LYPD6: variants seen among roughly 807,000 people sequenced by gnomAD.
The protein encoded by LYPD6 is LY6/PLAUR domain containing 6.
In LYPD6, 15 loss-of-function variants were observed where a neutral mutation model predicts 22.7. The observed-to-expected ratio is 0.66, with a 90% confidence interval of 0.44 to 1.02. LYPD6 has a LOEUF of 1.02. LYPD6 is among the 50% of genes least tolerant of loss of function. The pLI, the probability that LYPD6 is intolerant of heterozygous loss-of-function variation, is 0.00. For synonymous variants in LYPD6, 72 were observed against 77.5 expected, an observed-to-expected ratio of 0.93 and a Z score of 0.37; for missense variants, 189 against 208.4, an observed-to-expected ratio of 0.91 and a Z score of 0.57.
chr2:149,336,066 A>T (rs1026792806), intron 1 of LYPD6, among the ~76,000 whole-genome samples: 1 of 152,228 alleles, frequency 6.6e-6, no homozygotes, highest in Non-Finnish European at 1.5e-5. Context: ...CAGAAAGCCT[A>T]ACCAGGTTTC....
At chr2:149,385,258 A>G (rs958613901) in intron 1 of LYPD6, among the ~76,000 whole-genome samples, 3 of 152,160 alleles carry the variant, frequency 2.0e-5, no homozygotes, top group East Asian at 1.9e-4. Context: ...CAGCCTACCC[A>G]TCTCAGAGAC....
intron 1 of LYPD6, among the ~76,000 whole-genome samples, chr2:149,377,323 A>AG (rs1681945327): frequency 6.6e-6 from 1 of 150,534 alleles, no homozygotes. Context: ...AAAAAAAAAA[A>AG]CACAACTGCC....
At chr2:149,449,492 G>A (rs1271282154) in intron 3 of LYPD6, among the ~76,000 whole-genome samples, 1 of 152,186 alleles carries the variant, frequency 6.6e-6, no homozygotes, top group Admixed American at 6.5e-5. Context: ...TTTATGTAAT[G>A]TATGAATTGA....
intron 1 of LYPD6, among the ~76,000 whole-genome samples, chr2:149,417,813 C>T (rs1682996948): frequency 6.6e-6 from 1 of 151,994 alleles, no homozygotes; most frequent in Non-Finnish European, 1.5e-5. Flanking sequence ...ATATAATGAA[C>T]CAGAATATCA....
intron 3 of LYPD6, among the ~76,000 whole-genome samples, chr2:149,466,192 T>C (rs1558817869): frequency 6.6e-6 from 1 of 152,172 alleles, no homozygotes; most frequent in Non-Finnish European, 1.5e-5. Flanking sequence ...TTGGAGATCA[T>C]GAGATCACAA....
rs1234581827 is a variant in LYPD6, at chr2:149,392,323, CAT to C, written c.-71-45314_-71-45313del. On this transcript the variant is annotated intron_variant, in intron 1 of 4. Coordinates refer to ENST00000334166, the MANE Select transcript of LYPD6 (RefSeq NM_194317.5). ...TAGCATAATGGTGGAGAGGTTAAAA[CAT>C]GTGGAGGAAGATCGCACTCCAGGAT... Among the ~76,000 whole-genome samples the C allele has an allele frequency of 4.6e-5, 7 of 152,266 alleles. No individual in the cohort carries two copies. In the East Asian group the frequency reaches 7.7e-4, roughly 17 times the overall value.
At chr2:149,465,710 G>A (rs1179122189) in intron 3 of LYPD6, among the ~76,000 whole-genome samples, 1 of 152,082 alleles carries the variant, frequency 6.6e-6, no homozygotes, top group Non-Finnish European at 1.5e-5. Context: ...TTTAGCTTTG[G>A]GTTACTTTTA....
chr2:149,398,364 A>G (rs1185837620), intron 1 of LYPD6, among the ~76,000 whole-genome samples: 1 of 151,034 alleles, frequency 6.6e-6, no homozygotes, highest in Non-Finnish European at 1.5e-5. Flanking sequence ...TGTTTTTCCT[A>G]TTGTAGAAGA....
intron 1 of LYPD6, among the ~76,000 whole-genome samples, chr2:149,384,199 G>A (rs1335904728): frequency 6.6e-6 from 1 of 152,132 alleles, no homozygotes; most frequent in African/African-American, 2.4e-5. Flanking sequence ...TCAATTATAA[G>A]ATGTTCATAT....
intron 1 of LYPD6, among the ~76,000 whole-genome samples, chr2:149,357,289 A>G (rs1335616438): frequency 6.6e-6 from 1 of 152,242 alleles, no homozygotes; most frequent in Non-Finnish European, 1.5e-5. Flanking sequence ...ATTGACACTG[A>G]GCAAGCACTT....
chr2:149,399,660 T>TG (rs1467919475), intron 1 of LYPD6, among the ~76,000 whole-genome samples: 1 of 148,416 alleles, frequency 6.7e-6, no homozygotes, highest in African/African-American at 2.5e-5. Flanking sequence ...AAAATAAAAG[T>TG]GGAAAAAAAC....
At chr2:149,470,585 C>T (rs1681309873) in intron 4 of LYPD6, 98 bp from the exon 5 acceptor site, 3 of 1,008,544 alleles carry the variant, frequency 3.0e-6, no homozygotes, top group Non-Finnish European at 4.5e-6. Flanking sequence ...GTAATTTTTA[C>T]TTGCATCTTG....
intron 1 of LYPD6, among the ~76,000 whole-genome samples, chr2:149,394,629 T>C (rs1160860394): frequency 6.6e-6 from 1 of 152,190 alleles, no homozygotes; most frequent in Non-Finnish European, 1.5e-5. Flanking sequence ...TTCTTTCATA[T>C]ATCTCTCTCT....
intron 1 of LYPD6, among the ~76,000 whole-genome samples, chr2:149,426,701 A>G (rs1044856352): frequency 6.6e-6 from 1 of 152,206 alleles, no homozygotes; most frequent in Non-Finnish European, 1.5e-5. Flanking sequence ...AAGCAATGGA[A>G]GAAACATTTC....
In LYPD6 at chr2:149,404,382, A is replaced by C. The variant is rs569473359; in HGVS notation, c.-71-33256A>C. 3.3e-5 allele frequency among the ~76,000 whole-genome samples: 5 copies of C among 152,274 alleles called. No homozygotes were observed. The South Asian group carries it at 1.0e-3, about 32-fold the overall frequency. On this transcript the variant is annotated intron_variant, in intron 1 of 4. Coordinates refer to ENST00000334166, the MANE Select transcript of LYPD6 (RefSeq NM_194317.5). ...ACCCATGAGCATGGAATGTTCTTCCATTTGTTTGTATCCTCTTTTACTTCA... is the reference window on the plus strand; with the variant it reads ...ACCCATGAGCATGGAATGTTCTTCCCTTTGTTTGTATCCTCTTTTACTTCA...
At chr2:149,331,113 C>T (rs1474709226) in intron 1 of LYPD6, among the ~76,000 whole-genome samples, 1 of 152,186 alleles carries the variant, frequency 6.6e-6, no homozygotes, top group Non-Finnish European at 1.5e-5. Context: ...TCCTGGGCGG[C>T]GGACTGGCAG....
chr2:149,358,269 A>G (rs1489246666), intron 1 of LYPD6, among the ~76,000 whole-genome samples: 3 of 152,196 alleles, frequency 2.0e-5, no homozygotes, highest in Admixed American at 2.0e-4. Context: ...TCATTCACTC[A>G]GTCAGCAAAC....
chr2:149,440,462 A>G (rs543066100), intron 2 of LYPD6: 2 of 152,474 alleles, frequency 1.3e-5, no homozygotes, highest in Admixed American at 6.5e-5. Context: ...AAATAAAAGT[A>G]AAAGAAAAAA....
chr2:149,368,800 G>A (rs933560218), intron 1 of LYPD6, among the ~76,000 whole-genome samples: 2 of 152,102 alleles, frequency 1.3e-5, no homozygotes, highest in Non-Finnish European at 2.9e-5. Context: ...TCCTAAAGAT[G>A]CAGAATCATC....
Sources: gnomAD v4.1 joint callset for allele counts (sites outside exome capture counted in the v4.1 genomes callset) on GRCh38, gnomAD v4.1.1 for gene constraint, MANE v1.5 for transcripts, NCBI Gene and HGNC (gene_info 2026-07-23, HGNC 2026-07-21) for gene names.